Variants in ST6GALNAC5 observed in about 807,000 individuals in gnomAD.
The protein encoded by ST6GALNAC5 is alpha-N-acetylgalactosaminide alpha-2,6-sialyltransferase 5.
Under a neutral mutation model 33.6 loss-of-function variants are expected in ST6GALNAC5, and 27 were observed. The ratio of observed to expected loss-of-function variants is 0.80; its 90% CI spans 0.59 to 1.11. The LOEUF (loss-of-function observed/expected upper bound fraction) is 1.11, where lower values mean the gene tolerates loss of function less well. Among genes scored for constraint, ST6GALNAC5 ranks in the 50% least tolerant of loss-of-function variants. ST6GALNAC5 has a pLI of 0.00. For synonymous variants in ST6GALNAC5, 194 were observed against 171.2 expected (o/e 1.13, Z -1.04); for missense variants, 428 against 454.0 (o/e 0.94, Z 0.52).
At chr1:76,904,029 GGTGAATTCACATAGCT>G (rs1208984892) in intron 2 of ST6GALNAC5, among the ~76,000 whole-genome samples, 1 of 152,104 alleles carries the variant, frequency 6.6e-6, no homozygotes, top group East Asian at 1.9e-4. Context: ...GAATTTAGTG[GGTGAATTCACATAGCT>G]GTGAATTTTA....
intron 2 of ST6GALNAC5, among the ~76,000 whole-genome samples, chr1:76,972,189 A>AT (rs1369440205): frequency 6.6e-6 from 1 of 152,212 alleles, no homozygotes; most frequent in Non-Finnish European, 1.5e-5. Flanking sequence ...CACATCTTAC[A>AT]TAGCAGCAGG....
intron 2 of ST6GALNAC5, among the ~76,000 whole-genome samples, chr1:76,894,865 G>T (rs1421845544): frequency 6.6e-6 from 1 of 152,182 alleles, no homozygotes; most frequent in East Asian, 1.9e-4. Context: ...GAGCAATAAA[G>T]CTGTTTATTT....
intron 2 of ST6GALNAC5, among the ~76,000 whole-genome samples, chr1:76,905,849 T>C (rs112875907): frequency 0.018 from 2,767 of 152,230 alleles, 87 homozygotes; most frequent in African/African-American, 0.062. Context: ...ACAGGAATAT[T>C]TGAGGGAAGG....
intron 2 of ST6GALNAC5, among the ~76,000 whole-genome samples, chr1:76,912,205 G>A (rs1002546352): frequency 6.6e-6 from 1 of 152,104 alleles, no homozygotes; most frequent in African/African-American, 2.4e-5. Context: ...TCAGGAGCAG[G>A]TTGTTCAGTT....
At chr1:76,954,179 C>G (rs1647860179) in intron 2 of ST6GALNAC5, among the ~76,000 whole-genome samples, 1 of 152,098 alleles carries the variant, frequency 6.6e-6, no homozygotes, top group East Asian at 1.9e-4. Flanking sequence ...ACATATACAC[C>G]ATGGAATACT....
chr1:76,970,296 T>C (rs1300606626), intron 2 of ST6GALNAC5, among the ~76,000 whole-genome samples: 1 of 151,862 alleles, frequency 6.6e-6, no homozygotes, highest in East Asian at 1.9e-4. Context: ...ACAAGAAAGC[T>C]AAAAACCTTG....
chr1:76,970,849 C>T (rs1026223474), intron 2 of ST6GALNAC5, among the ~76,000 whole-genome samples: 2 of 152,136 alleles, frequency 1.3e-5, no homozygotes, highest in Non-Finnish European at 2.9e-5. Context: ...TCTAATAACT[C>T]ACCTTTGAAT....
chr1:76,907,388 C>A (rs893973778), intron 2 of ST6GALNAC5, among the ~76,000 whole-genome samples: 4 of 152,244 alleles, frequency 2.6e-5, no homozygotes, highest in Admixed American at 2.0e-4. Flanking sequence ...AGAAAAAGCA[C>A]TTGAGGCAGC....
At chr1:77,014,553 A>G (rs1339037976) in intron 2 of ST6GALNAC5, among the ~76,000 whole-genome samples, 2 of 152,234 alleles carry the variant, frequency 1.3e-5, no homozygotes, top group Non-Finnish European at 2.9e-5. Flanking sequence ...GAAGATGCAA[A>G]ATGGAATGTG....
chr1:76,948,587 C>CAG (rs60959607), intron 2 of ST6GALNAC5, among the ~76,000 whole-genome samples: 10,025 of 129,398 alleles, frequency 0.077, 490 homozygotes, highest in African/African-American at 0.11. Context: ...GGAGTGGGGA[C>CAG]AGAGAGAGAG....
intron 2 of ST6GALNAC5, among the ~76,000 whole-genome samples, chr1:76,883,420 A>G (rs1653827831): frequency 6.6e-6 from 1 of 152,224 alleles, no homozygotes; most frequent in Admixed American, 6.5e-5. Context: ...GCAAAGTTCT[A>G]TTTTAATTGT....
At position 77,064,190 on chromosome 1, in the gene ST6GALNAC5, G is replaced by T. The variant is rs1652697935; in HGVS notation, c.*984G>T. On this transcript the variant is annotated 3_prime_UTR_variant, in exon 5 of 5. Coordinates refer to ENST00000477717, the MANE Select transcript of ST6GALNAC5 (RefSeq NM_030965.3). ...GTTTCATCCCAAATCTAAACTTGTG[G>T]CCTCTTCTTGACCCATTTGAAGACT... 1 of 152,038 alleles carries T rather than the reference G, an allele frequency of 6.6e-6. No homozygotes were observed. The highest frequency in any genetic ancestry group is 2.4e-5 in the African/African-American group (1 of 41,372). The allele number at this position is 152,038 out of a possible 1,614,324, so 9.4% of individuals were successfully genotyped here.
At chr1:76,923,141 A>G (rs1052924814) in intron 2 of ST6GALNAC5, among the ~76,000 whole-genome samples, 22 of 152,116 alleles carry the variant, frequency 1.4e-4, no homozygotes, top group Admixed American at 5.2e-4. Flanking sequence ...ATGATATTGC[A>G]GTATACTTTT....
chr1:77,008,795 GC>G (rs1650522128), intron 2 of ST6GALNAC5, among the ~76,000 whole-genome samples: 1 of 152,176 alleles, frequency 6.6e-6, no homozygotes, highest in Non-Finnish European at 1.5e-5. Context: ...CTACCAAAGT[GC>G]TGGGATTACA....
chr1:76,895,859 C>T (rs970800210), intron 2 of ST6GALNAC5, among the ~76,000 whole-genome samples: 1 of 152,148 alleles, frequency 6.6e-6, no homozygotes. Context: ...TAAAAAGGAC[C>T]GTCTGTACAG....
chr1:76,979,122 G>C (rs1033048280), intron 2 of ST6GALNAC5, among the ~76,000 whole-genome samples: 1 of 151,670 alleles, frequency 6.6e-6, no homozygotes, highest in Non-Finnish European at 1.5e-5. Context: ...AATTGAATAA[G>C]ACACAAAAAA....
Position 77,044,229 on chromosome 1 carries a change from G to A in ST6GALNAC5, c.287G>A (p.Cys96Tyr). ...HKPLKMHCRD[C>Y]ALVTSSGHLL... ...CCCCTGAAAATGCACTGCAGGGACT[G>A]TGCCCTGGTGACCAGCTCAGGGCAT... The change falls in exon 3 of 5, where the codon TGT (cysteine) becomes TAT (tyrosine). Residue 96 changes from cysteine (C) to tyrosine (Y), a missense_variant. By Grantham distance (194) the Cys-to-Tyr change is radical. Coordinates refer to ENST00000477717, the MANE Select transcript of ST6GALNAC5 (RefSeq NM_030965.3). 6.2e-7 allele frequency: 1 copy of A among 1,611,432 alleles called. No individual in the cohort carries two copies. The highest frequency in any genetic ancestry group is 1.1e-5 in the South Asian group (1 of 90,710).
intron 2 of ST6GALNAC5, among the ~76,000 whole-genome samples, chr1:76,927,692 T>C (rs571818311): frequency 6.6e-6 from 1 of 152,266 alleles, no homozygotes; most frequent in African/African-American, 2.4e-5. Context: ...TTTGTTTTAA[T>C]GGGACATGAG....
chr1:76,899,640 C>T (rs991383434), intron 2 of ST6GALNAC5, among the ~76,000 whole-genome samples: 1 of 152,124 alleles, frequency 6.6e-6, no homozygotes, highest in Non-Finnish European at 1.5e-5. Context: ...CGGCTGCCTT[C>T]CCTAGTCCGT....
Sources: allele counts gnomAD v4.1 joint callset (sites outside exome capture counted in the v4.1 genomes callset), GRCh38; gene constraint gnomAD v4.1.1; transcripts MANE v1.5; gene names NCBI Gene and HGNC (gene_info 2026-07-23, HGNC 2026-07-21).